The following PDE10A variants were observed in gnomAD, a reference collection of about 807,000 sequenced individuals.
PDE10A encodes cAMP and cAMP-inhibited cGMP 3',5'-cyclic phosphodiesterase 10A.
A neutral mutation model predicts 97.7 loss-of-function variants in PDE10A; 39 were observed. The observed-to-expected ratio is 0.40, with a 90% CI of 0.31 to 0.52. The LOEUF (loss-of-function observed/expected upper bound fraction) is 0.52. PDE10A is among the 20% of genes least tolerant of loss of function. PDE10A has a pLI of 0.56. For synonymous variants in PDE10A, 371 were observed against 376.8 expected (o/e 0.98, Z 0.18); for missense variants, 731 against 1,047.8 (o/e 0.70, Z 4.17).
rs566182258 is a variant in PDE10A at position 165,354,065 on chromosome 6, T to C, written c.2784-10563A>G. Among the ~76,000 whole-genome samples, 412 of 152,254 alleles carry C rather than the reference T, an allele frequency of 2.7e-3. 1 individual carries two copies. The highest frequency in any genetic ancestry group is 4.3e-3 in the Non-Finnish European group (292 of 68,024). On this transcript the variant is annotated intron_variant, in intron 18 of 21. Coordinates refer to ENST00000539869, the MANE Select transcript of PDE10A (RefSeq NM_001385079.1). ...TAAAATTGGTTAATGTAAAAAAGAA[T>C]TATAGTTTCAAATAAGATGGAAAAT...
At chr6:165,728,437 C>T (rs1792350415) in intron 1 of PDE10A, among the ~76,000 whole-genome samples, 1 of 152,178 alleles carries the variant, frequency 6.6e-6, no homozygotes. Flanking sequence ...TTCCTGCTTC[C>T]ATTTGGAGCT....
At chr6:165,942,780 T>G (rs777046053) in intron 1 of PDE10A, among the ~76,000 whole-genome samples, 1 of 152,128 alleles carries the variant, frequency 6.6e-6, no homozygotes, top group Non-Finnish European at 1.5e-5. Flanking sequence ...GACAAGGCCC[T>G]CCAGGAGGAA....
chr6:165,931,421 A>G (rs1290292574), intron 1 of PDE10A, among the ~76,000 whole-genome samples: 3 of 152,244 alleles, frequency 2.0e-5, no homozygotes, highest in Non-Finnish European at 4.4e-5. Context: ...CAGCAGAGTG[A>G]ATGGACCCTG....
intron 1 of PDE10A, among the ~76,000 whole-genome samples, chr6:165,927,687 T>TATATATA: frequency 1.2e-5 from 1 of 85,850 alleles, no homozygotes; most frequent in African/African-American, 5.6e-5. Context: ...TAGTTTTTTG[T>TATATATA]TTGTTTGTTT....
intron 1 of PDE10A, among the ~76,000 whole-genome samples, chr6:165,749,383 C>A: frequency 4.4e-5 from 1 of 22,592 alleles, no homozygotes; most frequent in East Asian, 1.3e-3. Flanking sequence ...ATCACCACCA[C>A]CATCATCACC....
intron 1 of PDE10A, among the ~76,000 whole-genome samples, chr6:165,629,745 G>A (rs1788547871): frequency 6.6e-6 from 1 of 152,050 alleles, no homozygotes; most frequent in Non-Finnish European, 1.5e-5. Context: ...TATTGCCCAG[G>A]CTGGTCTTCA....
intron 1 of PDE10A, among the ~76,000 whole-genome samples, chr6:165,784,043 C>A (rs527422593): frequency 6.6e-6 from 1 of 152,014 alleles, no homozygotes; most frequent in East Asian, 1.9e-4. Flanking sequence ...CATGGTGAAA[C>A]CCTGTCTCTA....
intron 1 of PDE10A, among the ~76,000 whole-genome samples, chr6:165,951,614 G>A (rs115269184): frequency 3.2e-4 from 48 of 152,136 alleles, no homozygotes; most frequent in African/African-American, 1.1e-3. Flanking sequence ...CTTCCATCTG[G>A]CTCCAGCCTT....
At chr6:165,394,064 TTA>T (rs1785934008) in intron 15 of PDE10A, among the ~76,000 whole-genome samples, 2 of 33,450 alleles carry the variant, frequency 6.0e-5, no homozygotes, top group Admixed American at 5.9e-4. Flanking sequence ...TAAACATTTA[TTA>T]TTATTATTAT....
chr6:165,693,879 G>C (rs1582943502), intron 1 of PDE10A, among the ~76,000 whole-genome samples: 1 of 152,140 alleles, frequency 6.6e-6, no homozygotes, highest in African/African-American at 2.4e-5. Flanking sequence ...ATAGTACCTG[G>C]TGTTCCCATA....
chr6:165,701,825 GGTGA>G (rs1296312023), intron 1 of PDE10A, among the ~76,000 whole-genome samples: 2 of 152,030 alleles, frequency 1.3e-5, no homozygotes, highest in Non-Finnish European at 2.9e-5. Context: ...GTGTGCATGT[GGTGA>G]GTGTGTCTGG....
At chr6:165,956,494 T>C (rs1784138069) in intron 1 of PDE10A, among the ~76,000 whole-genome samples, 2 of 152,352 alleles carry the variant, frequency 1.3e-5, no homozygotes, top group Middle Eastern at 6.8e-3. Context: ...AGCAAATTAA[T>C]ACAGAAATTC....
intron 13 of PDE10A, among the ~76,000 whole-genome samples, chr6:165,408,607 A>T (rs778432414): frequency 5.9e-5 from 9 of 152,012 alleles, no homozygotes; most frequent in Non-Finnish European, 1.0e-4. Flanking sequence ...ATTTTCTTTT[A>T]TTTTTTTATT....
At chr6:165,340,689 G>A (rs534579140) in intron 19 of PDE10A, among the ~76,000 whole-genome samples, 14 of 152,310 alleles carry the variant, frequency 9.2e-5, no homozygotes, top group African/African-American at 3.4e-4. Flanking sequence ...TCTAACAGAG[G>A]GCTGAGCCAA....
intron 5 of PDE10A, among the ~76,000 whole-genome samples, chr6:165,439,352 AG>A (rs1790267776): frequency 6.6e-6 from 1 of 152,212 alleles, no homozygotes. Context: ...CATCTTTTAG[AG>A]GCTAGAGATA....
chr6:165,563,922 C>A (rs1784648920), intron 1 of PDE10A, among the ~76,000 whole-genome samples: 1 of 151,240 alleles, frequency 6.6e-6, no homozygotes, highest in Admixed American at 6.6e-5. Context: ...AATGATGATA[C>A]AAATGAAAAC....
intron 3 of PDE10A, among the ~76,000 whole-genome samples, chr6:165,454,924 A>G (rs1369578803): frequency 6.6e-6 from 1 of 152,164 alleles, no homozygotes; most frequent in Non-Finnish European, 1.5e-5. Flanking sequence ...ACATGAGCCA[A>G]TTCACAGGCC....
intron 1 of PDE10A, among the ~76,000 whole-genome samples, chr6:165,646,724 G>A (rs1378826935): frequency 6.6e-6 from 1 of 152,204 alleles, no homozygotes; most frequent in Non-Finnish European, 1.5e-5. Context: ...TCCAAACACA[G>A]TTCCGGGATG....
At chr6:165,611,773 C>A (rs1046156104) in intron 1 of PDE10A, among the ~76,000 whole-genome samples, 1 of 152,208 alleles carries the variant, frequency 6.6e-6, no homozygotes, top group Non-Finnish European at 1.5e-5. Context: ...ATGTTTATTG[C>A]ATACAACCAT....
Sources: allele counts gnomAD v4.1 joint callset (sites outside exome capture counted in the v4.1 genomes callset), GRCh38; gene constraint gnomAD v4.1.1; transcripts MANE v1.5; gene names NCBI Gene and HGNC (gene_info 2026-07-23, HGNC 2026-07-21).